Variants in MAML3 observed in about 807,000 individuals in gnomAD.
The protein encoded by MAML3 is mastermind like transcriptional coactivator 3, also known as mastermind-like protein 3.
A neutral mutation model predicts 101.9 loss-of-function variants in MAML3; 27 were observed. The observed-to-expected ratio is 0.27, with a 90% CI of 0.20 to 0.37. MAML3 has a LOEUF of 0.37. Among genes scored for constraint, MAML3 ranks in the 10% least tolerant of loss-of-function variants. The probability of loss-of-function intolerance (pLI) is 1.00; values close to 1 mark genes in which losing one functional copy is unlikely to be tolerated. For missense variants in MAML3, 1,316 were observed against 1,444.9 expected, an observed-to-expected ratio of 0.91 and a Z score of 1.45; for synonymous variants, 501 against 555.9, an observed-to-expected ratio of 0.90 and a Z score of 1.39.
At chr4:139,999,029 G>A (rs778293350) in intron 1 of MAML3, among the ~76,000 whole-genome samples, 3 of 152,156 alleles carry the variant, frequency 2.0e-5, no homozygotes, top group Non-Finnish European at 2.9e-5. Context: ...TTTTCAAGTA[G>A]ATATCAGCCT....
intron 1 of MAML3, among the ~76,000 whole-genome samples, chr4:140,047,446 C>T (rs1252498253): frequency 6.6e-6 from 1 of 152,128 alleles, no homozygotes; most frequent in Non-Finnish European, 1.5e-5. Flanking sequence ...GCGCCCGTAT[C>T]TGAATAATGA....
At chr4:139,878,701 T>C (rs4863699) in intron 2 of MAML3, among the ~76,000 whole-genome samples, 60,400 of 151,994 alleles carry the variant, frequency 0.4, 12,406 homozygotes, top group Non-Finnish European at 0.43. Context: ...AACATCTCCC[T>C]GAAGCTCAGG....
At chr4:139,789,520 C>G (rs1393136475) in intron 2 of MAML3, among the ~76,000 whole-genome samples, 1 of 152,154 alleles carries the variant, frequency 6.6e-6, no homozygotes, top group African/African-American at 2.4e-5. Context: ...GAGCTGCTAG[C>G]AGCCCAATGT....
At chr4:139,909,281 T>A (rs1318421399) in intron 1 of MAML3, among the ~76,000 whole-genome samples, 1 of 152,204 alleles carries the variant, frequency 6.6e-6, no homozygotes, top group East Asian at 1.9e-4. Context: ...AGGAAAAGCA[T>A]TAAGGAAATT....
chr4:140,047,163 C>T (rs1283868403), intron 1 of MAML3, among the ~76,000 whole-genome samples: 1 of 152,010 alleles, frequency 6.6e-6, no homozygotes, highest in Non-Finnish European at 1.5e-5. Context: ...AGGAGGGTGC[C>T]GCCTAAGCAA....
At chr4:140,133,045 TA>T in intron 1 of MAML3, 2 of 423,744 alleles carry the variant, frequency 4.7e-6, no homozygotes, top group South Asian at 1.7e-5. Context: ...GTATTTATTT[TA>T]AAAGGAGGGG....
Position 139,883,861 on chromosome 4 carries a change from GT to G in MAML3, c.2079+5495del, listed in dbSNP as rs113715582. ...AAAAAAGGGGTTCCAGGTTCTTAAA[GT>G]TTTTTTTTTTTTAAATAATTGCTTG... On this transcript the variant is annotated intron_variant, in intron 2 of 4. Transcript: ENST00000509479. Among the ~76,000 whole-genome samples, 502 of 123,772 alleles carry G rather than the reference GT, an allele frequency of 4.1e-3. 3 individuals carry two copies. Among genetic ancestry groups the G allele is most frequent in the African/African-American group, 0.013 (432 of 32,768 alleles). The allele number at this position is 123,772 out of a possible 152,430, so 81.2% of individuals were successfully genotyped here.
chr4:140,128,916 G>A (rs552964945), intron 1 of MAML3, among the ~76,000 whole-genome samples: 1 of 152,090 alleles, frequency 6.6e-6, no homozygotes, highest in East Asian at 1.9e-4. Context: ...CTTCCATCAC[G>A]CTCCACTAGC....
intron 1 of MAML3, among the ~76,000 whole-genome samples, chr4:140,035,610 C>T (rs1206797181): frequency 6.6e-6 from 1 of 151,970 alleles, no homozygotes; most frequent in African/African-American, 2.4e-5. Context: ...TCCTGGCTAA[C>T]ACAGTGAAAA....
intron 1 of MAML3, among the ~76,000 whole-genome samples, chr4:140,111,032 T>C (rs979969618): frequency 6.6e-6 from 1 of 152,244 alleles, no homozygotes; most frequent in African/African-American, 2.4e-5. Context: ...GTTTTATTTA[T>C]GGCTAAATCC....
intron 1 of MAML3, among the ~76,000 whole-genome samples, chr4:140,123,961 T>G (rs757854530): frequency 6.6e-6 from 1 of 152,210 alleles, no homozygotes; most frequent in Non-Finnish European, 1.5e-5. Context: ...TATTTCACAA[T>G]GAACCCCAAA....
At chr4:139,948,590 C>T (rs1280664028) in intron 1 of MAML3, among the ~76,000 whole-genome samples, 1 of 152,188 alleles carries the variant, frequency 6.6e-6, no homozygotes, top group Non-Finnish European at 1.5e-5. Context: ...GAACCGAATT[C>T]CCTAAAGGAT....
chr4:139,837,507 A>C (rs1469711570), intron 2 of MAML3, among the ~76,000 whole-genome samples: 2 of 152,026 alleles, frequency 1.3e-5, no homozygotes, highest in Admixed American at 6.6e-5. Context: ...CCAAAACCAA[A>C]CAAACAAACA....
chr4:140,094,032 C>T lies in MAML3; in HGVS notation c.468+58828G>A, dbSNP rs189298264. Among the ~76,000 whole-genome samples the T allele has an allele frequency of 3.4e-4, 52 of 152,350 alleles. No individual in the cohort carries two copies. The East Asian group carries it at 9.4e-3, about 28-fold the overall frequency. ...AAGAGACCTGTTCTAGCTGGATCTG[C>T]ACAGCCTGGTCTCTGGGTCTAAAAT... On this transcript the variant is annotated intron_variant, in intron 1 of 4. Coordinates refer to ENST00000509479, the MANE Select transcript of MAML3 (RefSeq NM_018717.5).
intron 1 of MAML3, among the ~76,000 whole-genome samples, chr4:140,017,527 CA>C (rs1726661419): frequency 6.6e-6 from 1 of 151,816 alleles, no homozygotes; most frequent in African/African-American, 2.4e-5. Context: ...CATAAATAAC[CA>C]AAACCTATAA....
At chr4:139,843,484 G>A (rs1731396237) in intron 2 of MAML3, among the ~76,000 whole-genome samples, 1 of 152,066 alleles carries the variant, frequency 6.6e-6, no homozygotes, top group Non-Finnish European at 1.5e-5. Flanking sequence ...ACTACTGACA[G>A]GTCTTAATTA....
chr4:140,133,922 T>A, intron 1 of MAML3: 1 of 349,018 alleles, frequency 2.9e-6, no homozygotes, highest in South Asian at 2.2e-5. Flanking sequence ...CTTCATCTAT[T>A]TGATTTTTTA....
intron 1 of MAML3, among the ~76,000 whole-genome samples, chr4:140,035,538 C>T (rs1258834349): frequency 6.6e-6 from 1 of 152,160 alleles, no homozygotes; most frequent in Non-Finnish European, 1.5e-5. Flanking sequence ...TGGCTCACGC[C>T]TGTAATCCCA....
At chr4:140,152,149 G>A (rs1477537545) in intron 1 of MAML3, among the ~76,000 whole-genome samples, 2 of 152,022 alleles carry the variant, frequency 1.3e-5, no homozygotes, top group Non-Finnish European at 2.9e-5. Context: ...GGCTAGCCCC[G>A]AGTCGCGAGC....
Sources: allele counts gnomAD v4.1 joint callset (sites outside exome capture counted in the v4.1 genomes callset), GRCh38; gene constraint gnomAD v4.1.1; transcripts MANE v1.5; gene names NCBI Gene and HGNC (gene_info 2026-07-23, HGNC 2026-07-21).